SCNN1B: variants seen among roughly 807,000 people sequenced by gnomAD.
SCNN1B encodes epithelial sodium channel subunit beta.
A neutral mutation model predicts 65.3 loss-of-function variants in SCNN1B; 46 were observed. The ratio of observed to expected loss-of-function variants is 0.70; its 90% CI spans 0.56 to 0.90. The LOEUF (loss-of-function observed/expected upper bound fraction) is 0.90, where lower values mean the gene tolerates loss of function less well. Ranked by LOEUF, SCNN1B falls within the 40% of genes least tolerant of loss-of-function variation. SCNN1B has a pLI of 0.00. For synonymous variants in SCNN1B, 349 were observed against 330.6 expected, an observed-to-expected ratio of 1.06 and a Z score of -0.60; for missense variants, 751 against 830.5, an observed-to-expected ratio of 0.90 and a Z score of 1.18.
intron 4 of SCNN1B, among the ~76,000 whole-genome samples, chr16:23,365,670 C>T (rs1000861872): frequency 6.6e-6 from 1 of 152,148 alleles, no homozygotes; most frequent in African/African-American, 2.4e-5. Context: ...TAGGATTCCA[C>T]TCTCTGTCCT....
chr16:23,377,894 G>A (rs150336487), intron 10 of SCNN1B, among the ~76,000 whole-genome samples: 11 of 152,226 alleles, frequency 7.2e-5, no homozygotes, highest in Non-Finnish European at 1.5e-5. Context: ...ATAGGAGAGG[G>A]CCAAGATCAC....
chr16:23,337,223 G>T (rs1051564187), intron 1 of SCNN1B, among the ~76,000 whole-genome samples: 4 of 151,710 alleles, frequency 2.6e-5, no homozygotes, highest in Non-Finnish European at 1.5e-5. Context: ...GGCTAATTTT[G>T]TAAGTTTTTT....
Position 23,377,107 on chromosome 16 carries a change from C to G in SCNN1B, c.1271-58C>G, listed in dbSNP as rs866186761. On this transcript the variant is annotated intron_variant, in intron 8 of 12. Transcript: ENST00000343070. ...GGCCAGCCAGAGGCTCAGCAGGGAA[C>G]AGGGGCACCTAAAAAGCCCCCTTAA... 57 of 1,470,602 alleles carry G rather than the reference C, an allele frequency of 3.9e-5. No individual in the cohort carries two copies. The Middle Eastern group carries it at 3.5e-3, about 91-fold the overall frequency. The allele number at this position is 1,470,602 out of a possible 1,614,324, so 91.1% of individuals were successfully genotyped here.
intron 7 of SCNN1B, among the ~76,000 whole-genome samples, chr16:23,374,128 G>T (rs764753265): frequency 6.6e-6 from 1 of 152,012 alleles, no homozygotes; most frequent in Non-Finnish European, 1.5e-5. Context: ...TTGGTGGGGC[G>T]TGGTGGTGCA....
chr16:23,296,108 A>C (rs956447733), intron 2 of SCNN1B, among the ~76,000 whole-genome samples: 2 of 151,706 alleles, frequency 1.3e-5, no homozygotes, highest in Non-Finnish European at 2.9e-5. Flanking sequence ...GCTGAAGGAG[A>C]AGTCGGGCTG....
chr16:23,309,441 C>CAGAT (rs1334666484), intron 1 of SCNN1B, among the ~76,000 whole-genome samples: 3,805 of 134,270 alleles, frequency 0.028, 57 homozygotes, highest in Non-Finnish European at 0.036. Flanking sequence ...GATAGATAGA[C>CAGAT]AGATAGATAG....
intron 7 of SCNN1B, chr16:23,372,304 G>C: frequency 3.7e-6 from 1 of 270,282 alleles, no homozygotes; most frequent in Non-Finnish European, 7.3e-6. Context: ...AGCATTTATT[G>C]ATAAACTAAT....
chr16:23,314,254 C>T (rs1961404637), intron 1 of SCNN1B, among the ~76,000 whole-genome samples: 1 of 152,024 alleles, frequency 6.6e-6, no homozygotes, highest in South Asian at 2.1e-4. Flanking sequence ...TCTTGAACTC[C>T]TGGGCTCACT....
chr16:23,283,463 C>A (rs1253007392), intron 1 of SCNN1B, among the ~76,000 whole-genome samples: 1 of 152,186 alleles, frequency 6.6e-6, no homozygotes, highest in Non-Finnish European at 1.5e-5. Flanking sequence ...AATCATCTAA[C>A]ACCAAGCCTA....
chr16:23,355,325 C>T lies in SCNN1B; in HGVS notation c.612C>T (p.Thr204=), dbSNP rs1196725946. 3 of 1,614,084 alleles carry T rather than the reference C, an allele frequency of 1.9e-6. No homozygotes were observed. Among genetic ancestry groups the T allele is most frequent in the African/African-American group, 1.3e-5 (1 of 74,930 alleles). The part of the protein sequence containing the change: ...RLCSLNRTQC[T]FRNFTSATQA... ...GTAGCCTCAACAGGACCCAGTGTACCTTCCGGAACTTCACCAGTGCTACCC... is the reference window on the plus strand; with the variant it reads ...GTAGCCTCAACAGGACCCAGTGTACTTTCCGGAACTTCACCAGTGCTACCC... The change falls in exon 4 of 13, where the codon ACC becomes ACT. Residue 204 remains threonine (T), a synonymous_variant. Transcript: ENST00000343070.
chr16:23,307,324 TG>T (rs1250478125), intron 1 of SCNN1B, among the ~76,000 whole-genome samples: 1 of 144,176 alleles, frequency 6.9e-6, no homozygotes, highest in Admixed American at 7.0e-5. Context: ...TTGGTGGTTG[TG>T]GGGTGGTGTG....
chr16:23,300,754 C>T (rs546524417), upstream of SCNN1B, among the ~76,000 whole-genome samples: 2 of 152,090 alleles, frequency 1.3e-5, no homozygotes, highest in African/African-American at 2.4e-5. Flanking sequence ...ATGGCTTGAG[C>T]CCAAGAGTTT....
chr16:23,295,885 G>C (rs1468175044), intron 2 of SCNN1B, among the ~76,000 whole-genome samples: 1 of 152,138 alleles, frequency 6.6e-6, no homozygotes, highest in Non-Finnish European at 1.5e-5. Flanking sequence ...CTCTTCCCCA[G>C]GTCAAGGCCC....
chr16:23,294,863 C>T lies in SCNN1B; in HGVS notation n.178+11059C>T, dbSNP rs375866395. 2.5e-3 allele frequency among the ~76,000 whole-genome samples: 375 copies of T among 151,838 alleles called. 1 individual carries two copies. The highest frequency in any genetic ancestry group is 2.1e-3 in the South Asian group (10 of 4,788). ...CAAAAATTATCCAGGCATGGTGGCG[C>T]GCGCCTGGAATCCCAGCTACTCGGG... On this transcript the variant is annotated intron_variant and non_coding_transcript_variant, in intron 2 of 3. Coordinates refer to the SCNN1B transcript ENST00000569789.
intron 10 of SCNN1B, 148 bp from the exon 11 acceptor site, chr16:23,378,558 C>A (rs1252541188): frequency 9.4e-6 from 7 of 746,276 alleles, no homozygotes; most frequent in African/African-American, 5.2e-5. Context: ...TCCACTACGA[C>A]CTTCCTCCTG....
Position 23,371,287 on chromosome 16 carries a change from C to A in SCNN1B, c.881-12C>A. 1 of 1,613,802 alleles carries A rather than the reference C, an allele frequency of 6.2e-7. No homozygotes were observed. Among genetic ancestry groups the A allele is most frequent in the South Asian group, 1.1e-5 (1 of 91,016 alleles). On this transcript the variant is annotated splice_polypyrimidine_tract_variant and intron_variant, in intron 5 of 12. Transcript: ENST00000343070. ...GAAAGTTCAGGCAGCCCTCACCCCA[C>A]CCTCCCCACAGGCCTGAAGTTGATC...
At chr16:23,333,231 T>C (rs1961865962) in intron 1 of SCNN1B, among the ~76,000 whole-genome samples, 1 of 150,154 alleles carries the variant, frequency 6.7e-6, no homozygotes, top group Non-Finnish European at 1.5e-5. Flanking sequence ...AAAGGCCTTA[T>C]TGCTGAAGCA....
chr16:23,380,413 C>T lies in SCNN1B; in HGVS notation c.1543-8C>T, dbSNP rs1299869843. ...CCTGAGCTCACCCCAGCTCCCTGTTCCCCACAGATCGTCTGGCTGCTCTCG... is the reference window on the plus strand; with the variant it reads ...CCTGAGCTCACCCCAGCTCCCTGTTTCCCACAGATCGTCTGGCTGCTCTCG... On this transcript the variant is annotated splice_region_variant and splice_polypyrimidine_tract_variant and intron_variant, in intron 12 of 12. Coordinates refer to ENST00000343070, the MANE Select transcript of SCNN1B (RefSeq NM_000336.3). The surrounding 1 kb of genome is among the most constrained non-coding windows in gnomAD (Gnocchi z 5.4). 3.7e-6 allele frequency: 6 copies of T among 1,613,970 alleles called. No homozygotes were observed. Among genetic ancestry groups the T allele is most frequent in the Middle Eastern group, 1.6e-4 (1 of 6,078 alleles).
intron 1 of SCNN1B, among the ~76,000 whole-genome samples, chr16:23,305,581 A>ATATATATATATATATATATAT (rs1961198824): frequency 2.4e-4 from 8 of 33,402 alleles, no homozygotes; most frequent in African/African-American, 1.4e-3. Flanking sequence ...TATATATTAT[A>ATATATATATATATATATATAT]TATATATATA....
Sources: allele counts gnomAD v4.1 joint callset (sites outside exome capture counted in the v4.1 genomes callset), GRCh38; gene constraint gnomAD v4.1.1; non-coding constraint Gnocchi (gnomAD v3.1); transcripts MANE v1.5; gene names NCBI Gene and HGNC (gene_info 2026-07-23, HGNC 2026-07-21).